APBB1: variants seen among roughly 807,000 people sequenced by gnomAD.
The protein encoded by APBB1 is adaptor protein FE65a2.
Under a neutral mutation model 78.4 loss-of-function variants are expected in APBB1, and 22 were observed. The ratio of observed to expected loss-of-function variants is 0.28; its 90% CI spans 0.20 to 0.40. The LOEUF (loss-of-function observed/expected upper bound fraction) is 0.40, where lower values mean the gene tolerates loss of function less well. Among genes scored for constraint, APBB1 ranks in the 10% least tolerant of loss-of-function variants. APBB1 has a pLI of 1.00. For synonymous variants in APBB1, 369 were observed against 372.7 expected (o/e 0.99, Z 0.12); for missense variants, 749 against 932.4 (o/e 0.80, Z 2.56).
chr11:6,410,863 T>A lies in APBB1; in HGVS notation c.485A>T (p.Glu162Val). ...KAAGEAEEEE[E>V]DDDDEEEEED... The stretch of plus-strand genomic sequence containing the variant: ...CTCCTCCTCTTCATCATCATCATCC[T>A]CCTCCTCCTCCTCGGCCTCCCCGGC... The change falls in exon 2 of 15, where the codon GAG (glutamate) becomes GTG (valine). Residue 162 changes from glutamate to valine, a missense_variant. By Grantham distance (121) the Glu-to-Val change is moderately radical. This residue lies in a region of APBB1 where 635 missense variants were observed against 765.0 expected (regional missense o/e 0.83). Coordinates refer to ENST00000609360, the MANE Select transcript of APBB1 (RefSeq NM_001164.5). 1 of 1,613,566 alleles carries A rather than the reference T, an allele frequency of 6.2e-7. No homozygotes were observed. The highest frequency in any genetic ancestry group is 1.1e-5 in the South Asian group (1 of 91,076).
Position 6,396,218 on chromosome 11 carries a change from A to G in APBB1, c.1673-3T>C, listed in dbSNP as rs1236354159. ...GGCCCCATTAATCACATCTACCCCT[A>G]GAACATATGGACACAAGATACCACT... On this transcript the variant is annotated splice_polypyrimidine_tract_variant and splice_region_variant and intron_variant, in intron 12 of 14. Transcript: ENST00000609360. 3 of 1,550,128 alleles carry G rather than the reference A, an allele frequency of 1.9e-6. No individual in the cohort carries two copies. Among genetic ancestry groups the G allele is most frequent in the Non-Finnish European group, 2.6e-6 (3 of 1,146,216 alleles).
intron 1 of APBB1, among the ~76,000 whole-genome samples, chr11:6,417,741 G>C (rs771542663): frequency 3.9e-5 from 6 of 152,260 alleles, no homozygotes; most frequent in Non-Finnish European, 7.3e-5. Flanking sequence ...GGATGTGACA[G>C]AACTTGGTGA....
chr11:6,410,511 G>A (rs929322317), intron 2 of APBB1, 116 bp downstream of exon 2: 2 of 874,694 alleles, frequency 2.3e-6, no homozygotes, highest in South Asian at 2.8e-5. Context: ...ATGGCCTGCT[G>A]TGGCCTCAGG....
chr11:6,413,077 C>T (rs906186213), intron 1 of APBB1, among the ~76,000 whole-genome samples: 4 of 152,086 alleles, frequency 2.6e-5, no homozygotes, highest in Non-Finnish European at 5.9e-5. Context: ...CTCTCCTTCC[C>T]GGACCCCCAA....
chr11:6,418,045 GTAGA>G (rs1490355815), intron 1 of APBB1, among the ~76,000 whole-genome samples: 8 of 152,172 alleles, frequency 5.3e-5, no homozygotes, highest in Non-Finnish European at 1.2e-4. Flanking sequence ...AGCTTTGGGA[GTAGA>G]TAAAATATCT....
At chr11:6,404,625 A>G in intron 2 of APBB1, 1 of 1,535,900 alleles carries the variant, frequency 6.5e-7, no homozygotes, top group Non-Finnish European at 8.7e-7. Flanking sequence ...TGTGTCATAC[A>G]CCCTTGTCTG....
chr11:6,403,069 T>C lies in APBB1; in HGVS notation c.1104+76A>G. 1 of 1,418,194 alleles carries C rather than the reference T, an allele frequency of 7.1e-7. No individual in the cohort carries two copies. The highest frequency in any genetic ancestry group is 2.3e-5 in the East Asian group (1 of 43,712). The allele number at this position is 1,418,194 out of a possible 1,614,324, so 87.9% of individuals were successfully genotyped here. On this transcript the variant is annotated intron_variant, in intron 6 of 14. Transcript: ENST00000609360. The surrounding 1 kb of genome is among the most constrained non-coding windows in gnomAD (Gnocchi z 5.3). ...ACCTGGGGAACTGCGCTGAGACCCC[T>C]CAGAGCACAACATTAGGGGCTGTCT... is the stretch of plus-strand genomic sequence containing the variant.
chr11:6,402,299 G>A, intron 7 of APBB1, 90 bp from the exon 8 acceptor site: 2 of 1,551,362 alleles, frequency 1.3e-6, no homozygotes, highest in East Asian at 2.3e-5. Flanking sequence ...GTTAGCCACA[G>A]CTCTGGGGCC....
chr11:6,410,100 G>A (rs1473633468), intron 2 of APBB1, among the ~76,000 whole-genome samples: 1 of 151,856 alleles, frequency 6.6e-6, no homozygotes, highest in Non-Finnish European at 1.5e-5. Flanking sequence ...AAAAAACGGG[G>A]CCGACTGTCC....
intron 2 of APBB1, among the ~76,000 whole-genome samples, chr11:6,407,773 A>ATTTTTT (rs34560475): frequency 7.3e-6 from 1 of 137,742 alleles, no homozygotes; most frequent in African/African-American, 2.7e-5. Context: ...TAGTAGAAGT[A>ATTTTTT]TTTTTTTTTT....
upstream of APBB1, chr11:6,419,379 C>A: frequency 5.3e-6 from 1 of 187,524 alleles, no homozygotes; most frequent in Non-Finnish European, 1.1e-5. Flanking sequence ...GTCCCGCACC[C>A]ACGCCGGGAG....
chr11:6,409,155 G>A (rs937415297), intron 2 of APBB1, among the ~76,000 whole-genome samples: 1 of 151,938 alleles, frequency 6.6e-6, no homozygotes, highest in South Asian at 2.1e-4. Context: ...CTGTAGTCTC[G>A]ACTTTCTTGG....
rs80117077 is a variant in APBB1 at position 6,405,007 on chromosome 11, G to A, written c.722-1185C>T. Reference sequence around the variant, plus strand: ...ACCACCATGCTAGGGAATCTCCTTGGGGGGTGGGGAAGGGAGGAGAAAGGG... The same window carrying A: ...ACCACCATGCTAGGGAATCTCCTTGAGGGGTGGGGAAGGGAGGAGAAAGGG... On this transcript the variant is annotated intron_variant, in intron 2 of 14. Coordinates refer to ENST00000609360, the MANE Select transcript of APBB1 (RefSeq NM_001164.5). 4.2e-6 allele frequency: 6 copies of A among 1,425,802 alleles called. No homozygotes were observed. The African/African-American group carries it at 5.8e-5, about 14-fold the overall frequency. The allele number at this position is 1,425,802 out of a possible 1,614,324, so 88.3% of individuals were successfully genotyped here.
chr11:6,395,707 G>A lies in APBB1; in HGVS notation c.1966-6C>T. 1 of 1,588,420 alleles carries A rather than the reference G, an allele frequency of 6.3e-7. No homozygotes were observed. Among genetic ancestry groups the A allele is most frequent in the East Asian group, 2.2e-5 (1 of 44,570 alleles). ...AGACACTTCTGGTAGCGAAGCTGCG[G>A]AGGCAAGCAGGGCAGTCACTCCCCA... is the stretch of plus-strand genomic sequence containing the variant. On this transcript the variant is annotated splice_polypyrimidine_tract_variant and splice_region_variant and intron_variant, in intron 14 of 14. Transcript: ENST00000609360. The surrounding 1 kb of genome is among the most constrained non-coding windows in gnomAD (Gnocchi z 5.2).
At position 6,395,406 on chromosome 11, in the gene APBB1, T is replaced by C. The variant is rs1216135531; in HGVS notation, c.*128A>G. On this transcript the variant is annotated 3_prime_UTR_variant, in exon 15 of 15. Transcript: ENST00000609360. This position sits in a 1 kb window ranked among gnomAD's most constrained non-coding sequence, Gnocchi z 5.2. The stretch of plus-strand genomic sequence containing the variant: ...TCCCCAGCTCCTAGGCAGGGAACCG[T>C]AGCTACTGGGGAGGGGCATATTTGG... 7 of 1,022,520 alleles carry C rather than the reference T, an allele frequency of 6.8e-6. No homozygotes were observed. The highest frequency in any genetic ancestry group is 1.6e-5 in the African/African-American group (1 of 61,492). The allele number at this position is 1,022,520 out of a possible 1,614,324, so 63.3% of individuals were successfully genotyped here. A position where few individuals can be genotyped will look rare whatever the true frequency, so the allele number is the denominator to read the frequency against.
intron 1 of APBB1, among the ~76,000 whole-genome samples, chr11:6,416,700 C>A (rs576865293): frequency 1.3e-4 from 20 of 152,290 alleles, no homozygotes. Context: ...CATCTACTCT[C>A]CACATCCACT....
chr11:6,410,954 G>A lies in APBB1; in HGVS notation c.394C>T (p.Leu132=), dbSNP rs1848947257. Residue 132 remains leucine, a synonymous_variant, in exon 2 of 15, where the codon CTA becomes TTA. Coordinates refer to ENST00000609360, the MANE Select transcript of APBB1 (RefSeq NM_001164.5). ...CTGATGATCAGGCCAGGTCCTCGTA[G>A]GCCTCGGTTGGCTGCGTTGTGAGCT... ...LSAHNAANRG[L]RGPGLIISTQ... is the part of the protein sequence containing the mutation. 6.2e-7 allele frequency: 1 copy of A among 1,614,078 alleles called. No homozygotes were observed. The highest frequency in any genetic ancestry group is 1.3e-5 in the African/African-American group (1 of 74,936).
chr11:6,409,370 CA>C (rs1190950387), intron 2 of APBB1, among the ~76,000 whole-genome samples: 4 of 152,176 alleles, frequency 2.6e-5, no homozygotes, highest in African/African-American at 9.7e-5. Context: ...CCACTGCACC[CA>C]GCTGTAAACA....
Position 6,395,894 on chromosome 11 carries a change from G to A in APBB1, c.1857C>T (p.His619=). ...LSFLAVGRDV[H]TFAFIMAAGP... is the part of the protein sequence containing the mutation. ...CGGCAGCCATGATGAATGCAAACGT[G>A]TGGACATCTCTGCCCACGGCCAGGA... The change falls in exon 14 of 15, where the codon CAC becomes CAT. Residue 619 remains histidine, a synonymous_variant. Transcript: ENST00000609360. The surrounding 1 kb of genome is among the most constrained non-coding windows in gnomAD (Gnocchi z 5.2). 6.2e-7 allele frequency: 1 copy of A among 1,614,064 alleles called. No homozygotes were observed. Among genetic ancestry groups the A allele is most frequent in the Non-Finnish European group, 8.5e-7 (1 of 1,180,022 alleles).
Sources: gnomAD v4.1 joint callset for allele counts (sites outside exome capture counted in the v4.1 genomes callset) on GRCh38, gnomAD v4.1.1 for gene constraint, gnomAD v4.1.1 regional missense constraint, Gnocchi (gnomAD v3.1) non-coding constraint, MANE v1.5 for transcripts, NCBI Gene and HGNC (gene_info 2026-07-23, HGNC 2026-07-21) for gene names.